PACSIN2: variants seen among roughly 807,000 people sequenced by gnomAD.
PACSIN2 encodes protein kinase C and casein kinase substrate in neurons protein 2.
Under a neutral mutation model 63.8 loss-of-function variants are expected in PACSIN2, and 25 were observed. The observed-to-expected ratio is 0.39, with a 90% CI of 0.29 to 0.55. The LOEUF is 0.55. PACSIN2 is among the 20% of genes least tolerant of loss of function. The pLI, the probability that PACSIN2 is intolerant of heterozygous loss-of-function variation, is 0.62. For synonymous variants in PACSIN2, 255 were observed against 256.2 expected (o/e 1.00, Z 0.05); for missense variants, 518 against 646.9 (o/e 0.80, Z 2.16).
chr22:42,982,041 G>T (rs1202936297), intron 1 of PACSIN2, among the ~76,000 whole-genome samples: 2 of 112,056 alleles, frequency 1.8e-5, no homozygotes, highest in African/African-American at 7.3e-5. Context: ...CCGTCCGGGA[G>T]GTGAGGGGCG....
At chr22:42,997,806 G>A (rs139450952) in intron 1 of PACSIN2, among the ~76,000 whole-genome samples, 3 of 152,082 alleles carry the variant, frequency 2.0e-5, no homozygotes, top group Admixed American at 6.5e-5. Context: ...ATCTGAACCC[G>A]TGAGGTGGAG....
At chr22:42,939,467 T>C (rs1008017022) in intron 1 of PACSIN2, among the ~76,000 whole-genome samples, 1 of 152,196 alleles carries the variant, frequency 6.6e-6, no homozygotes, top group Non-Finnish European at 1.5e-5. Context: ...AGAAGAATGA[T>C]TGGAAGTGAC....
intron 1 of PACSIN2, among the ~76,000 whole-genome samples, chr22:42,949,888 T>C (rs537462239): frequency 6.6e-6 from 1 of 152,244 alleles, no homozygotes; most frequent in Admixed American, 6.5e-5. Context: ...TTATTTTACA[T>C]CTATCTCTCC....
chr22:42,902,598 T>C (rs900146495), intron 2 of PACSIN2, among the ~76,000 whole-genome samples: 6 of 151,830 alleles, frequency 4.0e-5, no homozygotes, highest in African/African-American at 7.3e-5. Flanking sequence ...TGATCCTTTA[T>C]CTGTCAGTTC....
At chr22:42,923,373 C>A (rs531787850) in intron 1 of PACSIN2, among the ~76,000 whole-genome samples, 1 of 152,196 alleles carries the variant, frequency 6.6e-6, no homozygotes, top group South Asian at 2.1e-4. Context: ...CCCGCAGGCC[C>A]GCATCTGCTC....
intron 1 of PACSIN2, among the ~76,000 whole-genome samples, chr22:43,010,398 A>ATATATTTTTTTT: frequency 1.0e-4 from 13 of 126,406 alleles, no homozygotes; most frequent in African/African-American, 3.4e-4. Flanking sequence ...ATATATATAT[A>ATATATTTTTTTT]TTTTTTTTTA....
At chr22:42,970,413 T>C (rs973449558) in intron 1 of PACSIN2, among the ~76,000 whole-genome samples, 2 of 152,162 alleles carry the variant, frequency 1.3e-5, no homozygotes, top group African/African-American at 4.8e-5. Flanking sequence ...ACTGGTGAAA[T>C]CCAAAGAAAG....
intron 1 of PACSIN2, among the ~76,000 whole-genome samples, chr22:42,915,360 G>A (rs996278868): frequency 4.6e-5 from 7 of 152,162 alleles, no homozygotes; most frequent in African/African-American, 1.7e-4. Flanking sequence ...CAAGGGGAAG[G>A]GACATTCTCC....
intron 1 of PACSIN2, among the ~76,000 whole-genome samples, chr22:42,967,570 T>C (rs1371217065): frequency 6.6e-6 from 1 of 152,200 alleles, no homozygotes; most frequent in African/African-American, 2.4e-5. Flanking sequence ...ATAGTGAAAC[T>C]GGCATTGTGA....
rs573073554 is a variant in PACSIN2 at position 42,890,004 on chromosome 22, C to CTT, written c.453+941_453+942dup. Among the ~76,000 whole-genome samples the CTT allele has an allele frequency of 3.4e-3, 462 of 137,012 alleles. 8 individuals carry two copies. The highest frequency in any genetic ancestry group is 6.3e-3 in the African/African-American group (233 of 36,706). 89.9% of individuals were successfully genotyped at this position (137,012 alleles called of 152,430 possible). ...TGCACACGCAGAGCAGCCAAAGGGA[C>CTT]TTTTTTTTTTTTTTTTGAGACAGAG... On this transcript the variant is annotated intron_variant, in intron 4 of 10. Coordinates refer to ENST00000263246, the MANE Select transcript of PACSIN2 (RefSeq NM_001184970.3).
chr22:42,905,756 C>T (rs530474451), intron 2 of PACSIN2, among the ~76,000 whole-genome samples: 5 of 152,330 alleles, frequency 3.3e-5, no homozygotes. Context: ...ATAAACTGCC[C>T]GGCTGGCTCC....
intron 1 of PACSIN2, among the ~76,000 whole-genome samples, chr22:42,925,085 C>G (rs952434422): frequency 1.3e-5 from 2 of 151,930 alleles, no homozygotes; most frequent in African/African-American, 2.4e-5. Context: ...CCCCTCAGAC[C>G]CCCTCCCTGC....
chr22:42,996,596 G>T (rs1454610964), intron 1 of PACSIN2, among the ~76,000 whole-genome samples: 1 of 151,620 alleles, frequency 6.6e-6, no homozygotes, highest in Admixed American at 6.6e-5. Context: ...GGGAGGGTGA[G>T]GTGAGAGGAT....
chr22:43,012,262 G>A (rs1006004050), intron 1 of PACSIN2, among the ~76,000 whole-genome samples: 1 of 150,730 alleles, frequency 6.6e-6, no homozygotes, highest in Admixed American at 6.6e-5. Context: ...CTACTGAGGA[G>A]GCTGAGGCAG....
intron 1 of PACSIN2, among the ~76,000 whole-genome samples, chr22:42,956,480 A>G (rs1933921642): frequency 6.6e-6 from 1 of 152,214 alleles, no homozygotes; most frequent in African/African-American, 2.4e-5. Context: ...ATCACTATGG[A>G]AAAGCAAACA....
intron 1 of PACSIN2, among the ~76,000 whole-genome samples, chr22:42,930,317 A>G (rs542478002): frequency 7.9e-5 from 12 of 152,264 alleles, no homozygotes; most frequent in South Asian, 6.2e-4. Flanking sequence ...CTCTGCCCCA[A>G]TTCCACAGCC....
intron 1 of PACSIN2, among the ~76,000 whole-genome samples, chr22:42,918,174 G>A (rs79769049): frequency 0.01 from 1,536 of 152,296 alleles, 26 homozygotes; most frequent in African/African-American, 0.035. Context: ...CAGGGCCACT[G>A]CAGACAGGCC....
At chr22:42,980,080 AAAG>A (rs1023689165) in intron 1 of PACSIN2, among the ~76,000 whole-genome samples, 1 of 152,120 alleles carries the variant, frequency 6.6e-6, no homozygotes, top group Non-Finnish European at 1.5e-5. Context: ...ATTAAAAAAA[AAAG>A]AAAGAAAGAA....
chr22:43,000,535 G>A (rs931693073), intron 1 of PACSIN2, among the ~76,000 whole-genome samples: 4 of 152,054 alleles, frequency 2.6e-5, no homozygotes, highest in African/African-American at 4.8e-5. Flanking sequence ...TCTAAATTTC[G>A]TGAACCTGCA....
Sources: allele counts gnomAD v4.1 joint callset (sites outside exome capture counted in the v4.1 genomes callset), GRCh38; gene constraint gnomAD v4.1.1; transcripts MANE v1.5; gene names NCBI Gene and HGNC (gene_info 2026-07-23, HGNC 2026-07-21).